Variants in CREM observed in about 807,000 individuals in gnomAD.
CREM encodes the protein cAMP-responsive element modulator.
CREM carries 13 observed loss-of-function variants against 37.3 expected under a neutral mutation model. The observed-to-expected ratio is 0.35, with a 90% CI of 0.23 to 0.55. The LOEUF (loss-of-function observed/expected upper bound fraction) is 0.55, where lower values mean the gene tolerates loss of function less well. CREM is among the 20% of genes least tolerant of loss of function. The probability of loss-of-function intolerance (pLI) is 0.88; values close to 1 mark genes in which losing one functional copy is unlikely to be tolerated. For missense variants in CREM, 296 were observed against 362.3 expected (o/e 0.82, Z 1.49); for synonymous variants, 124 against 120.2 (o/e 1.03, Z -0.21).
chr10:35,154,340 C>T (rs747768758), intron 3 of CREM: 61 of 350,684 alleles, frequency 1.7e-4, no homozygotes, highest in Non-Finnish European at 2.7e-4. Context: ...GCAACATTTT[C>T]TCTTGTTAAT....
intron 5 of CREM, among the ~76,000 whole-genome samples, chr10:35,186,846 G>C (rs185339920): frequency 0.34 from 36,277 of 107,190 alleles, 6,063 homozygotes; most frequent in Middle Eastern, 0.37. Flanking sequence ...GTATATATAC[G>C]TATATATGTT....
intron 3 of CREM, 74 bp from the exon 4 acceptor site, chr10:35,178,815 C>T: frequency 8.1e-7 from 1 of 1,237,682 alleles, no homozygotes; most frequent in Non-Finnish European, 1.1e-6. Flanking sequence ...CACACAGACT[C>T]TTAGCCTCAA....
In CREM at chr10:35,168,491, G is replaced by T. The variant is rs147253992; in HGVS notation, c.169-10398G>T. Among the ~76,000 whole-genome samples, 682 of 152,274 alleles carry T rather than the reference G, an allele frequency of 4.5e-3. 7 individuals are homozygous for T. Among genetic ancestry groups the T allele is most frequent in the African/African-American group, 0.015 (633 of 41,564 alleles). ...TTGTTTGAGTTCATTGTAGATTCTG[G>T]ATATTAGCCCATTGTCAGATGAGTA... On this transcript the variant is annotated intron_variant, in intron 3 of 7. Transcript: ENST00000685392.
Position 35,188,227 on chromosome 10 carries a change from A to C in CREM, c.437A>C (p.Gln146Pro), listed in dbSNP as rs751156617. Residue 146 changes from glutamine to proline, a missense_variant, in exon 6 of 8, where the codon CAG becomes CCG. By Grantham distance (76) the Gln-to-Pro change is moderately conservative (BLOSUM62 -1). Around this residue, in one of 2 missense-constraint regions of CREM, gnomAD observed 257 missense variants for 280.2 expected, o/e 0.92. Coordinates refer to ENST00000685392, the MANE Select transcript of CREM (RefSeq NM_183011.2). The part of the protein sequence containing the change: ...YIAIAQGGTI[Q>P]ISNPGSDGVQ... The stretch of plus-strand genomic sequence containing the variant: ...GCTATAGCCCAAGGTGGAACAATCC[A>C]GATTTCTAACCCAGGATCTGATGGT... The C allele has an allele frequency of 6.2e-7, 1 of 1,613,878 alleles. No individual in the cohort carries two copies. Among genetic ancestry groups the C allele is most frequent in the South Asian group, 1.1e-5 (1 of 90,984 alleles).
chr10:35,166,405 A>G (rs951901909), intron 3 of CREM, among the ~76,000 whole-genome samples: 3 of 152,052 alleles, frequency 2.0e-5, no homozygotes, highest in Non-Finnish European at 2.9e-5. Context: ...TACTAAAATT[A>G]CAAAAATTAA....
intron 6 of CREM, chr10:35,201,569 G>A (rs2095385979): frequency 2.6e-6 from 4 of 1,520,512 alleles, no homozygotes; most frequent in Admixed American, 2.0e-5. Context: ...TGCAAAGAGA[G>A]ATATGTAGTT....
intron 6 of CREM, among the ~76,000 whole-genome samples, chr10:35,202,357 T>C (rs1564981175): frequency 3.3e-5 from 5 of 152,244 alleles, no homozygotes. Context: ...TAAATACTTT[T>C]TATAACTTGT....
rs778178212 is a variant in CREM at position 35,203,415 on chromosome 10, C to T, written c.599-3480C>T. On this transcript the variant is annotated intron_variant, in intron 6 of 7. Coordinates refer to ENST00000685392, the MANE Select transcript of CREM (RefSeq NM_183011.2). ...TTTAAAAAAACAAGTTTTTTGTGGC[C>T]GGGCGCAGTGGCTCACGCCTGTGAT... is the stretch of plus-strand genomic sequence containing the variant. 9.9e-5 allele frequency among the ~76,000 whole-genome samples: 15 copies of T among 152,108 alleles called. No homozygotes were observed. In the East Asian group the frequency reaches 1.2e-3, roughly 12 times the overall value.
chr10:35,148,234 C>T, intron 2 of CREM, 134 bp from the exon 3 acceptor site: 1 of 814,958 alleles, frequency 1.2e-6, no homozygotes, highest in Non-Finnish European at 1.9e-6. Context: ...TTTGTGGCAT[C>T]ATGTAAATGC....
chr10:35,175,720 T>C, intron 3 of CREM: 1 of 1,614,154 alleles, frequency 6.2e-7, no homozygotes, highest in African/African-American at 1.3e-5. Flanking sequence ...GTATCCTAGA[T>C]AGTTTGTCAT....
intron 6 of CREM, chr10:35,195,257 GT>G: frequency 6.2e-7 from 1 of 1,610,848 alleles, no homozygotes; most frequent in East Asian, 2.2e-5. Flanking sequence ...TGTGCAGATT[GT>G]TTTGAAGTTT....
chr10:35,159,952 C>T (rs936271426), intron 3 of CREM, among the ~76,000 whole-genome samples: 2 of 152,098 alleles, frequency 1.3e-5, no homozygotes, highest in South Asian at 2.1e-4. Context: ...TGGCCAAGTA[C>T]AGTCATTCAT....
At chr10:35,161,499 C>CA (rs2093292075) in intron 3 of CREM, among the ~76,000 whole-genome samples, 1 of 150,570 alleles carries the variant, frequency 6.6e-6, no homozygotes, top group South Asian at 2.1e-4. Flanking sequence ...ATCTCAAAAA[C>CA]AAAAAATAAA....
chr10:35,148,511 C>T lies in CREM; in HGVS notation c.168+20C>T, dbSNP rs765632130. 18 of 1,595,710 alleles carry T rather than the reference C, an allele frequency of 1.1e-5. No homozygotes were observed. Among genetic ancestry groups the T allele is most frequent in the South Asian group, 8.0e-5 (7 of 87,298 alleles). On this transcript the variant is annotated intron_variant, in intron 3 of 7. Coordinates refer to ENST00000685392, the MANE Select transcript of CREM (RefSeq NM_183011.2). Reference sequence around the variant, plus strand: ...GCTCAGGTAGGCAATAGGCAGGCACCGTTGAAAGTCAAAATATATGGAAAT... The same window carrying T: ...GCTCAGGTAGGCAATAGGCAGGCACTGTTGAAAGTCAAAATATATGGAAAT...
intron 1 of CREM, among the ~76,000 whole-genome samples, chr10:35,130,569 G>A (rs890249256): frequency 1.3e-5 from 2 of 152,250 alleles, no homozygotes; most frequent in Non-Finnish European, 2.9e-5. Context: ...TTATAATGGA[G>A]CTGAAGAATT....
At chr10:35,207,244 A>G (rs1484132671) in intron 7 of CREM, among the ~76,000 whole-genome samples, 193 bp downstream of exon 7, 1 of 151,720 alleles carries the variant, frequency 6.6e-6, no homozygotes, top group Non-Finnish European at 1.5e-5. Context: ...ATACAAAAAA[A>G]TTCGCCGGGC....
chr10:35,207,271 G>A (rs1005439817), intron 7 of CREM, among the ~76,000 whole-genome samples: 2 of 152,034 alleles, frequency 1.3e-5, no homozygotes, highest in Admixed American at 6.6e-5. Flanking sequence ...GCAGGTGCCT[G>A]TAGTCCCAGC....
At position 35,148,489 on chromosome 10, in the gene CREM, C is replaced by G. The variant is rs376014027; in HGVS notation, c.166C>G (p.Gln56Glu). ...CCAAAATTCAATCCCTGCTTTAGCT[C>G]AGGTAGGCAATAGGCAGGCACCGTT... ...TGQNSIPALAQVAAIAETDES... is the reference protein window; with the variant it reads ...TGQNSIPALAEVAAIAETDES... Residue 56 changes from glutamine (Q) to glutamate (E), a missense_variant and splice_region_variant, in exon 3 of 8, where the codon CAG becomes GAG. By Grantham distance (29) the Gln-to-Glu change is conservative (BLOSUM62 2). Coordinates refer to ENST00000685392, the MANE Select transcript of CREM (RefSeq NM_183011.2). The G allele has an allele frequency of 1.9e-6, 3 of 1,610,338 alleles. No individual in the cohort carries two copies. The highest frequency in any genetic ancestry group is 2.5e-6 in the Non-Finnish European group (3 of 1,178,546).
At position 35,155,911 on chromosome 10, in the gene CREM, G is replaced by C. The variant is rs2092875079; in HGVS notation, c.168+7420G>C. 2.0e-5 allele frequency among the ~76,000 whole-genome samples: 3 copies of C among 151,276 alleles called. No individual in the cohort carries two copies. In the South Asian group the frequency reaches 6.3e-4, roughly 32 times the overall value. ...CCCAAAGTGCTGGGATTACAGGCAT[G>C]AGCCACTGCGCCTGGCCTCTTCTTT... On this transcript the variant is annotated intron_variant, in intron 3 of 7. Transcript: ENST00000685392.
Sources: gnomAD v4.1 joint callset for allele counts (sites outside exome capture counted in the v4.1 genomes callset) on GRCh38, gnomAD v4.1.1 for gene constraint, gnomAD v4.1.1 regional missense constraint, MANE v1.5 for transcripts, NCBI Gene and HGNC (gene_info 2026-07-23, HGNC 2026-07-21) for gene names.